Variants in CADM2 observed in about 807,000 individuals in gnomAD.
The protein encoded by CADM2 is cell adhesion molecule 2.
In CADM2, 12 loss-of-function variants were observed where a neutral mutation model predicts 49.8. The ratio of observed to expected loss-of-function variants is 0.24; its 90% CI spans 0.15 to 0.39. The LOEUF is 0.39. CADM2 is among the 10% of genes least tolerant of loss of function. The probability of loss-of-function intolerance (pLI) is 1.00; values close to 1 mark genes in which losing one functional copy is unlikely to be tolerated. For missense variants in CADM2, 378 were observed against 492.3 expected, an observed-to-expected ratio of 0.77 and a Z score of 2.20; for synonymous variants, 214 against 175.4, an observed-to-expected ratio of 1.22 and a Z score of -1.74.
chr3:85,099,980 T>C (rs995932571), intron 1 of CADM2, among the ~76,000 whole-genome samples: 1 of 152,208 alleles, frequency 6.6e-6, no homozygotes, highest in Admixed American at 6.5e-5. Context: ...CTGTTTTTTT[T>C]TCCTCATTGT....
intron 3 of CADM2, among the ~76,000 whole-genome samples, chr3:85,855,665 T>G (rs1410245082): frequency 1.3e-5 from 2 of 148,492 alleles, no homozygotes; most frequent in Non-Finnish European, 3.0e-5. Flanking sequence ...TTCGCACTGT[T>G]GCCTAGGCTG....
intron 1 of CADM2, among the ~76,000 whole-genome samples, chr3:85,207,820 C>T (rs527527806): frequency 6.6e-6 from 1 of 152,280 alleles, no homozygotes; most frequent in South Asian, 2.1e-4. Flanking sequence ...GTCAGCTTGA[C>T]AGGTTGATAA....
At chr3:85,984,714 C>T (rs1727886378) in intron 8 of CADM2, among the ~76,000 whole-genome samples, 1 of 151,668 alleles carries the variant, frequency 6.6e-6, no homozygotes, top group Non-Finnish European at 1.5e-5. Context: ...TTCAATGTAC[C>T]AGATAGGGAA....
At chr3:85,203,453 T>C (rs1452780918) in intron 1 of CADM2, among the ~76,000 whole-genome samples, 1 of 152,144 alleles carries the variant, frequency 6.6e-6, no homozygotes, top group African/African-American at 2.4e-5. Context: ...CAGCATTTAT[T>C]GATTAAAGTT....
chr3:85,504,972 G>A (rs969121493), intron 1 of CADM2, among the ~76,000 whole-genome samples: 39 of 152,246 alleles, frequency 2.6e-4, no homozygotes, highest in Middle Eastern at 3.4e-3. Flanking sequence ...TGCTTCGCGT[G>A]CGGGGCCCGC....
intron 8 of CADM2, among the ~76,000 whole-genome samples, chr3:85,988,418 T>A (rs1343881463): frequency 1.3e-5 from 2 of 152,198 alleles, no homozygotes; most frequent in Non-Finnish European, 2.9e-5. Context: ...TTTATACAGT[T>A]TTAGTATCAG....
At chr3:85,675,033 A>G (rs370140839) in intron 1 of CADM2, among the ~76,000 whole-genome samples, 129 of 152,270 alleles carry the variant, frequency 8.5e-4, no homozygotes, top group African/African-American at 2.4e-3. Context: ...ATTATAAAGT[A>G]TTTGCTAACA....
intron 1 of CADM2, among the ~76,000 whole-genome samples, chr3:85,611,602 G>A (rs1379700326): frequency 6.6e-6 from 1 of 151,774 alleles, no homozygotes; most frequent in East Asian, 1.9e-4. Flanking sequence ...AAACAAGTTG[G>A]GATCAATTAA....
At chr3:85,247,153 A>C (rs558437414) in intron 1 of CADM2, among the ~76,000 whole-genome samples, 10 of 152,130 alleles carry the variant, frequency 6.6e-5, no homozygotes, top group African/African-American at 9.6e-5. Context: ...AGCTAACTTA[A>C]ATCATACTCT....
At chr3:85,509,246 A>C (rs1162833055) in intron 1 of CADM2, among the ~76,000 whole-genome samples, 1 of 152,138 alleles carries the variant, frequency 6.6e-6, no homozygotes, top group African/African-American at 2.4e-5. Flanking sequence ...TAGCAGGAAG[A>C]GGGTGGTGGC....
At chr3:85,564,503 A>G (rs1484687974) in intron 1 of CADM2, among the ~76,000 whole-genome samples, 2 of 152,052 alleles carry the variant, frequency 1.3e-5, no homozygotes, top group African/African-American at 4.8e-5. Flanking sequence ...TACTCCTAGG[A>G]TCTATTGCCT....
chr3:85,907,930 A>T (rs56282418), intron 5 of CADM2, among the ~76,000 whole-genome samples: 1 of 150,764 alleles, frequency 6.6e-6, no homozygotes, highest in Non-Finnish European at 1.5e-5. Context: ...AAAAAAGAAG[A>T]TATCTTCTTT....
At chr3:85,473,644 T>G (rs2069123) in intron 1 of CADM2, among the ~76,000 whole-genome samples, 78,097 of 151,906 alleles carry the variant, frequency 0.51, 23,034 homozygotes, top group East Asian at 0.83. Flanking sequence ...GAAAAAGTCT[T>G]GAGCCTGTCT....
At chr3:85,635,775 C>T (rs2107534229) in intron 1 of CADM2, among the ~76,000 whole-genome samples, 1 of 152,012 alleles carries the variant, frequency 6.6e-6, no homozygotes, top group African/African-American at 2.4e-5. Flanking sequence ...TAGAAAAAAA[C>T]TCTGAGTTAA....
chr3:85,042,289 A>G (rs17022340), intron 1 of CADM2, among the ~76,000 whole-genome samples: 10 of 152,162 alleles, frequency 6.6e-5, no homozygotes, highest in Admixed American at 3.3e-4. Context: ...GCATGAAAGC[A>G]GTCTTCAAAC....
At chr3:85,592,916 C>T (rs934108896) in intron 1 of CADM2, among the ~76,000 whole-genome samples, 1 of 151,838 alleles carries the variant, frequency 6.6e-6, no homozygotes, top group African/African-American at 2.4e-5. Flanking sequence ...CATGTATTCT[C>T]ATTGTTCAAT....
At chr3:85,916,621 T>G (rs1420944646) in intron 6 of CADM2, among the ~76,000 whole-genome samples, 1 of 151,798 alleles carries the variant, frequency 6.6e-6, no homozygotes, top group Non-Finnish European at 1.5e-5. Flanking sequence ...AAATAGTGCC[T>G]CAATAAACAT....
At chr3:85,619,089 A>G (rs17521052) in intron 1 of CADM2, among the ~76,000 whole-genome samples, 79,702 of 151,608 alleles carry the variant, frequency 0.53, 23,706 homozygotes, top group East Asian at 0.82. Flanking sequence ...GCAATTATGA[A>G]ACTTATACTG....
Position 85,001,384 on chromosome 3 carries a change from C to T in CADM2, c.61+41716C>T, listed in dbSNP as rs78233518. ...CTTTCTATCTATCCATCTATCCATC[C>T]GTCTATCTATCTACCCTTGTGTTCA... On this transcript the variant is annotated intron_variant, in intron 1 of 9. Coordinates refer to ENST00000383699, the MANE Select transcript of CADM2 (RefSeq NM_001167675.2). Among the ~76,000 whole-genome samples the T allele has an allele frequency of 6.2e-3, 934 of 151,712 alleles. 16 individuals carry two copies. Among genetic ancestry groups the T allele is most frequent in the African/African-American group, 0.021 (889 of 41,376 alleles).
Sources: allele counts gnomAD v4.1 joint callset (sites outside exome capture counted in the v4.1 genomes callset), GRCh38; gene constraint gnomAD v4.1.1; transcripts MANE v1.5; gene names NCBI Gene and HGNC (gene_info 2026-07-23, HGNC 2026-07-21).